Variants in PRKG1 observed in about 807,000 individuals in gnomAD.
PRKG1 encodes the protein protein kinase cGMP-dependent 1, also known as cGMP-dependent protein kinase 1.
A neutral mutation model predicts 88.1 loss-of-function variants in PRKG1; 35 were observed. The ratio of observed to expected loss-of-function variants is 0.40; its 90% confidence interval spans 0.30 to 0.53. PRKG1 has a LOEUF of 0.53. Ranked by LOEUF, PRKG1 falls within the 20% of genes least tolerant of loss-of-function variation. The probability of loss-of-function intolerance (pLI) is 0.59; values close to 1 mark genes in which losing one functional copy is unlikely to be tolerated. For synonymous variants in PRKG1, 303 were observed against 292.5 expected (o/e 1.04, Z -0.37); for missense variants, 540 against 839.8 (o/e 0.64, Z 4.41).
At chr10:51,296,964 A>G (rs10996652) in intron 2 of PRKG1, among the ~76,000 whole-genome samples, 2,660 of 152,166 alleles carry the variant, frequency 0.017, 74 homozygotes, top group African/African-American at 0.06. Flanking sequence ...CAGAGTGAAC[A>G]GTGAAGGGGT....
chr10:51,861,868 C>G (rs538596596), intron 4 of PRKG1, among the ~76,000 whole-genome samples: 1 of 152,324 alleles, frequency 6.6e-6, no homozygotes, highest in South Asian at 2.1e-4. Context: ...GGGTTTTGCT[C>G]AAGCCTGCTG....
At chr10:51,907,438 G>A (rs1335975748) in intron 4 of PRKG1, 69 bp from the exon 5 acceptor site, 8 of 1,249,652 alleles carry the variant, frequency 6.4e-6, no homozygotes, top group Non-Finnish European at 7.9e-6. Flanking sequence ...TAGATTCATG[G>A]TCATTTTTAT....
At chr10:51,214,175 T>TTA (rs1046858576) in intron 2 of PRKG1, among the ~76,000 whole-genome samples, 3 of 152,152 alleles carry the variant, frequency 2.0e-5, no homozygotes, top group Admixed American at 6.5e-5. Context: ...ATAGGTGATA[T>TTA]TATATATATG....
intron 3 of PRKG1, among the ~76,000 whole-genome samples, chr10:51,763,223 T>C (rs1187985622): frequency 6.6e-6 from 1 of 152,142 alleles, no homozygotes; most frequent in Non-Finnish European, 1.5e-5. Flanking sequence ...ATGTATATTT[T>C]TAATTTTTTT....
intron 3 of PRKG1, chr10:51,697,447 G>A (rs1841325287): frequency 2.1e-6 from 1 of 481,006 alleles, no homozygotes; most frequent in African/African-American, 2.0e-5. Context: ...AATCTTATTT[G>A]GCATAATATA....
chr10:51,797,301 A>G (rs1839037945), intron 3 of PRKG1, among the ~76,000 whole-genome samples: 1 of 148,690 alleles, frequency 6.7e-6, no homozygotes, highest in Non-Finnish European at 1.5e-5. Context: ...TTGTAGTAAA[A>G]TATATATTTT....
chr10:51,949,402 C>A (rs1296810110), intron 5 of PRKG1, among the ~76,000 whole-genome samples: 1 of 151,792 alleles, frequency 6.6e-6, no homozygotes, highest in East Asian at 1.9e-4. Context: ...CACTTGAGAC[C>A]AGGAGTTCGA....
chr10:52,047,726 T>C (rs1845895846), intron 5 of PRKG1, among the ~76,000 whole-genome samples: 1 of 152,100 alleles, frequency 6.6e-6, no homozygotes, highest in Admixed American at 6.6e-5. Context: ...CATGAAAAGG[T>C]CTTGCCTTTG....
At chr10:51,562,260 A>G (rs1837485801) in intron 3 of PRKG1, among the ~76,000 whole-genome samples, 3 of 151,704 alleles carry the variant, frequency 2.0e-5, no homozygotes, top group Non-Finnish European at 4.4e-5. Context: ...TGTGAAAATT[A>G]TTAATGAATT....
At chr10:51,686,308 A>G (rs1840989372) in intron 3 of PRKG1, among the ~76,000 whole-genome samples, 1 of 152,024 alleles carries the variant, frequency 6.6e-6, no homozygotes, top group African/African-American at 2.4e-5. Flanking sequence ...CTTCACCCCC[A>G]TCAAGTAGGC....
chr10:52,056,805 T>G (rs185806807), intron 6 of PRKG1, among the ~76,000 whole-genome samples: 5 of 152,126 alleles, frequency 3.3e-5, no homozygotes, highest in African/African-American at 1.2e-4. Context: ...ATTATATTAG[T>G]TCTAATTCTA....
intron 3 of PRKG1, among the ~76,000 whole-genome samples, chr10:51,690,449 T>C (rs1841108482): frequency 6.6e-6 from 1 of 152,188 alleles, no homozygotes; most frequent in African/African-American, 2.4e-5. Flanking sequence ...GCTTTTGTTT[T>C]GTTTTGTTTA....
At chr10:51,783,594 C>G (rs1838651836) in intron 3 of PRKG1, among the ~76,000 whole-genome samples, 2 of 152,000 alleles carry the variant, frequency 1.3e-5, no homozygotes, top group African/African-American at 4.8e-5. Flanking sequence ...ACCAATGGTT[C>G]TTAAATGTGA....
chr10:51,596,527 C>T (rs571589507), intron 3 of PRKG1, among the ~76,000 whole-genome samples: 91 of 152,226 alleles, frequency 6.0e-4, no homozygotes, highest in African/African-American at 2.1e-3. Flanking sequence ...TAAATTCTGC[C>T]TCCCTTTTTT....
At chr10:51,837,245 A>G (rs1405416292) in intron 4 of PRKG1, among the ~76,000 whole-genome samples, 1 of 152,160 alleles carries the variant, frequency 6.6e-6, no homozygotes, top group African/African-American at 2.4e-5. Flanking sequence ...TTGATATGGT[A>G]GTTAGTAAGT....
chr10:51,221,199 A>G (rs1298575357), intron 2 of PRKG1, among the ~76,000 whole-genome samples: 1 of 151,958 alleles, frequency 6.6e-6, no homozygotes, highest in African/African-American at 2.4e-5. Context: ...ATTTAGAGTA[A>G]CTCCCTAGTT....
Position 51,727,274 on chromosome 10 carries a change from C to CA in PRKG1, c.593-77299dup, listed in dbSNP as rs1259062564. 1.4e-3 allele frequency among the ~76,000 whole-genome samples: 201 copies of CA among 141,496 alleles called. 1 individual carries two copies. In the East Asian group the frequency reaches 0.028, roughly 20 times the overall value. 92.8% of individuals were successfully genotyped at this position (141,496 alleles called of 152,430 possible). On this transcript the variant is annotated intron_variant, in intron 3 of 17. Coordinates refer to ENST00000373980, the MANE Select transcript of PRKG1 (RefSeq NM_006258.4). ...TGGGCAACACAGTAAGACCCCATTG[C>CA]AAAAAAAAAAAATATATATATATAT...
At chr10:51,882,584 G>C (rs1841464466) in intron 4 of PRKG1, among the ~76,000 whole-genome samples, 1 of 152,176 alleles carries the variant, frequency 6.6e-6, no homozygotes, top group South Asian at 2.1e-4. Flanking sequence ...ATGGAAATAT[G>C]CAAGTCACAT....
chr10:51,323,589 T>TAATAAG (rs1841508145), intron 2 of PRKG1, among the ~76,000 whole-genome samples: 1 of 152,224 alleles, frequency 6.6e-6, no homozygotes, highest in Non-Finnish European at 1.5e-5. Context: ...GTTGTTATAA[T>TAATAAG]AATAAGAATT....
Sources: allele counts gnomAD v4.1 joint callset (sites outside exome capture counted in the v4.1 genomes callset), GRCh38; gene constraint gnomAD v4.1.1; transcripts MANE v1.5; gene names NCBI Gene and HGNC (gene_info 2026-07-23, HGNC 2026-07-21).